The following KCNH1 variants were observed in gnomAD, a reference collection of about 807,000 sequenced individuals.
KCNH1 encodes the protein voltage-gated delayed rectifier potassium channel KCNH1.
In KCNH1, 27 loss-of-function variants were observed where a neutral mutation model predicts 69.2. That is an observed-to-expected ratio of 0.39 (90% CI 0.29 to 0.54). The LOEUF is 0.54. Ranked by LOEUF, KCNH1 falls within the 20% of genes least tolerant of loss-of-function variation. The pLI is 0.68. For synonymous variants in KCNH1, 456 were observed against 487.7 expected, an observed-to-expected ratio of 0.93 and a Z score of 0.86; for missense variants, 798 against 1,261.6, an observed-to-expected ratio of 0.63 and a Z score of 5.57.
At chr1:210,719,676 C>T (rs1478097088) in intron 10 of KCNH1, among the ~76,000 whole-genome samples, 1 of 151,964 alleles carries the variant, frequency 6.6e-6, no homozygotes, top group African/African-American at 2.4e-5. Flanking sequence ...ACAAACTACA[C>T]ATTCTGCACA....
At position 210,836,235 on chromosome 1, in the gene KCNH1, G is replaced by C. The variant is rs146001289; in HGVS notation, c.1463-32069C>G. 3.6e-3 allele frequency among the ~76,000 whole-genome samples: 551 copies of C among 152,120 alleles called. 4 individuals carry two copies. The highest frequency in any genetic ancestry group is 0.012 in the African/African-American group (505 of 41,502). ...TCCCCTACAGAATTTATGAGGAAGA[G>C]AGCAGGGTTTCAATGACAGTGAAGA... On this transcript the variant is annotated intron_variant, in intron 7 of 10. Transcript: ENST00000271751.
In KCNH1 at chr1:210,683,978, C is replaced by T. The variant is rs746473001; in HGVS notation, c.2273G>A (p.Gly758Asp). Residue 758 changes from glycine (G) to aspartate (D), a missense_variant, in exon 11 of 11, where the codon GGC becomes GAC. Coordinates refer to ENST00000271751, the MANE Select transcript of KCNH1 (RefSeq NM_172362.3). The surrounding 1 kb of genome is among the most constrained non-coding windows in gnomAD (Gnocchi z 5.7). ...CACATCTAGGTCATCCAGGTCCCGG[C>T]CCCCTCTCTCAGCTGCCAGCCTGGC... ...KEARLAAERG[G>D]RDLDDLDVEK... 5.0e-6 allele frequency: 8 copies of T among 1,600,206 alleles called. No homozygotes were observed. Among genetic ancestry groups the T allele is most frequent in the African/African-American group, 1.3e-5 (1 of 74,848 alleles).
At chr1:210,879,258 C>T (rs905298893) in intron 7 of KCNH1, among the ~76,000 whole-genome samples, 2 of 152,028 alleles carry the variant, frequency 1.3e-5, no homozygotes, top group Admixed American at 6.5e-5. Flanking sequence ...CTTCCTAACT[C>T]ATTCTAGGAG....
At chr1:211,106,157 T>G (rs1691343639) in intron 2 of KCNH1, among the ~76,000 whole-genome samples, 1 of 152,194 alleles carries the variant, frequency 6.6e-6, no homozygotes, top group Non-Finnish European at 1.5e-5. Flanking sequence ...CATGAATGAT[T>G]CCACTTCATG....
chr1:211,089,449 A>G (rs1056604447), intron 4 of KCNH1, among the ~76,000 whole-genome samples: 2 of 152,258 alleles, frequency 1.3e-5, no homozygotes, highest in African/African-American at 2.4e-5. Context: ...AGACAGTTTT[A>G]AAAAATAGGA....
intron 5 of KCNH1, among the ~76,000 whole-genome samples, chr1:211,076,972 T>A (rs1314942380): frequency 6.6e-6 from 1 of 152,174 alleles, no homozygotes; most frequent in East Asian, 1.9e-4. Context: ...TGCACAAGCT[T>A]CAATAGCCAA....
rs1203104253 is a variant in KCNH1 at position 210,778,456 on chromosome 1, A to G, written c.1916-2912T>C. Among the ~76,000 whole-genome samples the G allele has an allele frequency of 6.0e-5, 9 of 150,960 alleles. No homozygotes were observed. In the East Asian group the frequency reaches 1.6e-3, roughly 26 times the overall value. On this transcript the variant is annotated intron_variant, in intron 9 of 10. Transcript: ENST00000271751. ...GAGGATTGCTTGAACCCAGGAATCC[A>G]GGAGTTTGAGACTGCAGTGAGCTAT...
intron 5 of KCNH1, among the ~76,000 whole-genome samples, chr1:211,077,676 A>C (rs1247741251): frequency 6.6e-6 from 1 of 152,170 alleles, no homozygotes; most frequent in African/African-American, 2.4e-5. Flanking sequence ...AAAGACTATA[A>C]ATGCTAGGAA....
chr1:210,693,627 C>T (rs1681573427), intron 10 of KCNH1, among the ~76,000 whole-genome samples: 1 of 152,200 alleles, frequency 6.6e-6, no homozygotes, highest in Admixed American at 6.5e-5. Context: ...GCAAACTGCA[C>T]CTCATTCATC....
At chr1:210,709,647 G>A (rs183750370) in intron 10 of KCNH1, among the ~76,000 whole-genome samples, 1 of 151,902 alleles carries the variant, frequency 6.6e-6, no homozygotes, top group Admixed American at 6.6e-5. Context: ...AGTAGAAATG[G>A]GTGGGTGGAT....
At chr1:211,060,323 C>T (rs1690410592) in intron 5 of KCNH1, among the ~76,000 whole-genome samples, 1 of 147,122 alleles carries the variant, frequency 6.8e-6, no homozygotes, top group African/African-American at 2.5e-5. Context: ...ATCTTATGAA[C>T]CCGGGAGGCG....
At chr1:210,857,018 G>A (rs545302322) in intron 7 of KCNH1, among the ~76,000 whole-genome samples, 1 of 150,908 alleles carries the variant, frequency 6.6e-6, no homozygotes, top group African/African-American at 2.4e-5. Context: ...CAGTTGTGAC[G>A]CTCTAGCTTA....
chr1:210,746,571 T>TTC (rs886313330), intron 10 of KCNH1, among the ~76,000 whole-genome samples: 19 of 149,708 alleles, frequency 1.3e-4, no homozygotes, highest in Admixed American at 3.3e-4. Flanking sequence ...CTTTCTTTCT[T>TTC]TTTTTTTTTA....
chr1:211,096,218 C>T (rs545869705), intron 3 of KCNH1, among the ~76,000 whole-genome samples: 4 of 152,170 alleles, frequency 2.6e-5, no homozygotes, highest in South Asian at 2.1e-4. Context: ...TGCCCACCAC[C>T]GCACCCGGCT....
chr1:210,963,481 A>G (rs1266577024), intron 6 of KCNH1, among the ~76,000 whole-genome samples: 1 of 152,114 alleles, frequency 6.6e-6, no homozygotes, highest in Non-Finnish European at 1.5e-5. Context: ...CGGTAATAAC[A>G]AACTCCTCTG....
intron 6 of KCNH1, among the ~76,000 whole-genome samples, chr1:210,998,068 G>A (rs777488407): frequency 1.2e-4 from 19 of 152,192 alleles, no homozygotes; most frequent in Non-Finnish European, 1.3e-4. Flanking sequence ...ATGCCAAGTT[G>A]TAAAGACTGT....
At chr1:210,935,550 TAAATAC>T (rs891365178) in intron 6 of KCNH1, among the ~76,000 whole-genome samples, 8 of 152,228 alleles carry the variant, frequency 5.3e-5, no homozygotes, top group Non-Finnish European at 1.0e-4. Flanking sequence ...ACAGATATGC[TAAATAC>T]ACTGATTTGA....
At chr1:210,688,183 C>T (rs868598369) in intron 10 of KCNH1, among the ~76,000 whole-genome samples, 1 of 152,186 alleles carries the variant, frequency 6.6e-6, no homozygotes, top group Admixed American at 6.5e-5. Context: ...CCCAGATCCA[C>T]TCTTTTGAAT....
chr1:210,842,368 T>G (rs1685430145), intron 7 of KCNH1, among the ~76,000 whole-genome samples: 1 of 150,800 alleles, frequency 6.6e-6, no homozygotes, highest in Non-Finnish European at 1.5e-5. Flanking sequence ...ACGAAGAGGG[T>G]TTTTCTAGGT....
Sources: gnomAD v4.1 joint callset for allele counts (sites outside exome capture counted in the v4.1 genomes callset) on GRCh38, gnomAD v4.1.1 for gene constraint, Gnocchi (gnomAD v3.1) non-coding constraint, MANE v1.5 for transcripts, NCBI Gene and HGNC (gene_info 2026-07-23, HGNC 2026-07-21) for gene names.